The following KCNH8 variants were observed in gnomAD, a reference collection of about 807,000 sequenced individuals.
KCNH8 encodes the protein potassium voltage-gated channel subfamily H member 8, also known as voltage-gated delayed rectifier potassium channel KCNH8.
Under a neutral mutation model 103.6 loss-of-function variants are expected in KCNH8, and 70 were observed. The ratio of observed to expected loss-of-function variants is 0.68; its 90% CI spans 0.56 to 0.82. The LOEUF is 0.82. Ranked by LOEUF, KCNH8 falls within the 40% of genes least tolerant of loss-of-function variation. KCNH8 has a pLI of 0.00. For missense variants in KCNH8, 1,217 were observed against 1,329.9 expected, an observed-to-expected ratio of 0.92 and a Z score of 1.32; for synonymous variants, 498 against 489.4, an observed-to-expected ratio of 1.02 and a Z score of -0.23.
rs557028099 is a variant in KCNH8, at chr3:19,299,120, G to A, written c.442+17791G>A. Among the ~76,000 whole-genome samples, 3 of 152,156 alleles carry A rather than the reference G, an allele frequency of 2.0e-5. No individual in the cohort carries two copies. In the South Asian group the frequency reaches 6.2e-4, roughly 32 times the overall value. On this transcript the variant is annotated intron_variant, in intron 3 of 15. Coordinates refer to ENST00000328405, the MANE Select transcript of KCNH8 (RefSeq NM_144633.3). The stretch of plus-strand genomic sequence containing the variant: ...TGACAGTGTCCCTTGGTGTAGGGAT[G>A]TAGGGATGTCCCAAAAGAGACTTGC...
chr3:19,295,534 T>C (rs2064986617), intron 3 of KCNH8, among the ~76,000 whole-genome samples: 1 of 152,182 alleles, frequency 6.6e-6, no homozygotes, highest in Non-Finnish European at 1.5e-5. Flanking sequence ...TAGACATTGG[T>C]ATTAAAGAAT....
chr3:19,170,724 A>T, intron 1 of KCNH8, among the ~76,000 whole-genome samples: 1 of 145,980 alleles, frequency 6.9e-6, no homozygotes, highest in East Asian at 1.9e-4. Flanking sequence ...ACACACACAT[A>T]TATACACACA....
chr3:19,317,578 TATAAGAATA>T (rs1227098568), intron 3 of KCNH8, among the ~76,000 whole-genome samples: 77 of 151,986 alleles, frequency 5.1e-4, no homozygotes, highest in African/African-American at 1.8e-3. Flanking sequence ...AGAGTATAAC[TATAAGAATA>T]GAGAAAAATA....
At chr3:19,391,417 A>G (rs2066435902) in intron 6 of KCNH8, among the ~76,000 whole-genome samples, 1 of 152,080 alleles carries the variant, frequency 6.6e-6, no homozygotes, top group Admixed American at 6.6e-5. Flanking sequence ...ATTTTCTGCT[A>G]GAGTAACCAA....
intron 3 of KCNH8, among the ~76,000 whole-genome samples, chr3:19,300,374 A>AT (rs1360466844): frequency 6.6e-6 from 1 of 152,226 alleles, no homozygotes; most frequent in African/African-American, 2.4e-5. Flanking sequence ...AAGACTCACC[A>AT]TGGGGCAAGT....
chr3:19,494,323 T>C (rs2068391310), intron 11 of KCNH8, among the ~76,000 whole-genome samples: 1 of 152,212 alleles, frequency 6.6e-6, no homozygotes, highest in African/African-American at 2.4e-5. Context: ...GATTGAATCA[T>C]GGGAGTGGGC....
In KCNH8 at chr3:19,473,928, A is replaced by G. The variant is rs1269785890; in HGVS notation, c.2040+16946A>G. Among the ~76,000 whole-genome samples the G allele has an allele frequency of 2.6e-5, 4 of 152,210 alleles. No homozygotes were observed. In the East Asian group the frequency reaches 5.8e-4, roughly 22 times the overall value. The stretch of plus-strand genomic sequence containing the variant: ...GGACTTTTTAAAACGTAATTCTATT[A>G]TGCTTTCTGTCCAAGAATTATGCTT... On this transcript the variant is annotated intron_variant, in intron 11 of 15. Coordinates refer to ENST00000328405, the MANE Select transcript of KCNH8 (RefSeq NM_144633.3).
chr3:19,507,716 AG>A (rs1464644111), intron 11 of KCNH8, among the ~76,000 whole-genome samples: 1 of 152,104 alleles, frequency 6.6e-6, no homozygotes, highest in Non-Finnish European at 1.5e-5. Flanking sequence ...GGGTGGAAAA[AG>A]GTCTGGCTGC....
chr3:19,207,527 AATACC>A (rs1046301512), intron 1 of KCNH8, among the ~76,000 whole-genome samples: 4 of 152,046 alleles, frequency 2.6e-5, no homozygotes, highest in African/African-American at 9.7e-5. Context: ...ATATTATATC[AATACC>A]ATACCTAAGA....
intron 1 of KCNH8, among the ~76,000 whole-genome samples, chr3:19,226,821 T>C (rs2063937525): frequency 6.6e-6 from 1 of 152,248 alleles, no homozygotes; most frequent in East Asian, 1.9e-4. Context: ...GCAGGACATA[T>C]CTTAAAATGT....
At chr3:19,182,197 A>C (rs1471364640) in intron 1 of KCNH8, among the ~76,000 whole-genome samples, 1 of 152,154 alleles carries the variant, frequency 6.6e-6, no homozygotes, top group African/African-American at 2.4e-5. Flanking sequence ...CAGCTGTGTG[A>C]CTTGCTTTGG....
At chr3:19,174,240 T>G (rs2063376331) in intron 1 of KCNH8, among the ~76,000 whole-genome samples, 1 of 152,172 alleles carries the variant, frequency 6.6e-6, no homozygotes, top group Non-Finnish European at 1.5e-5. Context: ...GCACCTCTAC[T>G]TCTTGCATTA....
intron 5 of KCNH8, among the ~76,000 whole-genome samples, chr3:19,352,691 C>G (rs567377424): frequency 6.6e-6 from 1 of 152,186 alleles, no homozygotes; most frequent in East Asian, 1.9e-4. Context: ...CCAGTGAGAA[C>G]AAAGACACAA....
chr3:19,316,272 T>C (rs1248407321), intron 3 of KCNH8, among the ~76,000 whole-genome samples: 2 of 151,860 alleles, frequency 1.3e-5, no homozygotes, highest in African/African-American at 4.8e-5. Context: ...ATCCCTGTTC[T>C]CCACCCACTA....
At chr3:19,225,696 T>G (rs901715044) in intron 1 of KCNH8, among the ~76,000 whole-genome samples, 3 of 152,340 alleles carry the variant, frequency 2.0e-5, no homozygotes, top group African/African-American at 7.2e-5. Context: ...GACAGTTTCT[T>G]GTAACATTTA....
At position 19,206,168 on chromosome 3, in the gene KCNH8, G is replaced by GTGTGTATATATATATATATATATATA. The variant is rs979868166; in HGVS notation, c.77-47485_77-47484insGTGTATATATATATATATATATATAT. 1.3e-3 allele frequency among the ~76,000 whole-genome samples: 175 copies of GTGTGTATATATATATATATATATATA among 139,166 alleles called. 1 individual carries two copies. The highest frequency in any genetic ancestry group is 3.8e-3 in the African/African-American group (133 of 34,788). The allele number at this position is 139,166 out of a possible 152,430, so 91.3% of individuals were successfully genotyped here. On this transcript the variant is annotated intron_variant, in intron 1 of 15. Transcript: ENST00000328405. Reference sequence around the variant, plus strand: ...GTATATATATATTAATGGTGTGTGTGTATATATATATATATATCACAGTTA... The same window carrying GTGTGTATATATATATATATATATATA: ...GTATATATATATTAATGGTGTGTGTGTGTGTATATATATATATATATATATATATATATATATATATATCACAGTTA...
intron 3 of KCNH8, among the ~76,000 whole-genome samples, chr3:19,309,639 A>G (rs1308065044): frequency 6.6e-6 from 1 of 151,968 alleles, no homozygotes; most frequent in Admixed American, 6.6e-5. Context: ...CAAGAAAGTG[A>G]TGATTATTTC....
At chr3:19,187,597 T>G (rs920292380) in intron 1 of KCNH8, among the ~76,000 whole-genome samples, 5 of 152,032 alleles carry the variant, frequency 3.3e-5, no homozygotes, top group Non-Finnish European at 7.4e-5. Context: ...TCACAATTGG[T>G]TTACCAAACT....
intron 11 of KCNH8, among the ~76,000 whole-genome samples, chr3:19,485,805 G>A (rs1323820549): frequency 1.3e-5 from 2 of 152,190 alleles, no homozygotes; most frequent in African/African-American, 4.8e-5. Flanking sequence ...GTCCCCTGTA[G>A]TGCATGACTG....
Sources: allele counts gnomAD v4.1 joint callset (sites outside exome capture counted in the v4.1 genomes callset), GRCh38; gene constraint gnomAD v4.1.1; transcripts MANE v1.5; gene names NCBI Gene and HGNC (gene_info 2026-07-23, HGNC 2026-07-21).